The following PDZD2 variants were observed in gnomAD, a reference collection of about 807,000 sequenced individuals.
PDZD2 encodes PDZ domain containing 2.
A neutral mutation model predicts 220.7 loss-of-function variants in PDZD2; 90 were observed. The ratio of observed to expected loss-of-function variants is 0.41; its 90% CI spans 0.34 to 0.49. The LOEUF is 0.49. Ranked by LOEUF, PDZD2 falls within the 20% of genes least tolerant of loss-of-function variation. PDZD2 has a pLI of 0.28. For synonymous variants in PDZD2, 1,375 were observed against 1,450.5 expected, an observed-to-expected ratio of 0.95 and a Z score of 1.18; for missense variants, 3,174 against 3,608.5, an observed-to-expected ratio of 0.88 and a Z score of 3.08.
At chr5:31,779,842 G>T (rs554099000) in intron 1 of PDZD2, among the ~76,000 whole-genome samples, 2 of 152,022 alleles carry the variant, frequency 1.3e-5, no homozygotes, top group Non-Finnish European at 2.9e-5. Context: ...TCACGTGTTC[G>T]TTTTTATTAG....
At chr5:32,034,420 G>A (rs563210206) in intron 6 of PDZD2, among the ~76,000 whole-genome samples, 42 of 149,430 alleles carry the variant, frequency 2.8e-4, no homozygotes, top group Non-Finnish European at 5.3e-4. Flanking sequence ...GTGCAGTGGC[G>A]CAATCTCAGC....
At position 31,866,447 on chromosome 5, in the gene PDZD2, C is replaced by G. The variant is rs145386641; in HGVS notation, c.476+66723C>G. Among the ~76,000 whole-genome samples the G allele has an allele frequency of 5.4e-3, 827 of 152,198 alleles. 5 individuals are homozygous for G. The highest frequency in any genetic ancestry group is 0.019 in the African/African-American group (808 of 41,526). ...TGCTGTCGGCCCGGGCATCTGAGGG[C>G]AGAGAGAGGGTGGGTATGACCCCCT... On this transcript the variant is annotated intron_variant, in intron 2 of 24. Coordinates refer to ENST00000438447, the MANE Select transcript of PDZD2 (RefSeq NM_178140.4).
At chr5:31,662,829 A>T (rs754172716) in intron 1 of PDZD2, among the ~76,000 whole-genome samples, 1 of 152,134 alleles carries the variant, frequency 6.6e-6, no homozygotes, top group Non-Finnish European at 1.5e-5. Context: ...ACGGGGTTTC[A>T]CCGTGTTAGC....
intron 1 of PDZD2, among the ~76,000 whole-genome samples, chr5:31,693,399 A>G (rs452751): frequency 0.76 from 114,675 of 151,374 alleles, 44,431 homozygotes; most frequent in East Asian, 0.93. Flanking sequence ...GCACCACCAC[A>G]CCAGGCTAAT....
At chr5:31,751,621 A>C (rs1215518976) in intron 1 of PDZD2, among the ~76,000 whole-genome samples, 1 of 152,130 alleles carries the variant, frequency 6.6e-6, no homozygotes, top group Non-Finnish European at 1.5e-5. Context: ...CATGCCTCAT[A>C]ATGAGGTATA....
chr5:32,006,069 C>G (rs1282798520), intron 5 of PDZD2, among the ~76,000 whole-genome samples: 1 of 151,806 alleles, frequency 6.6e-6, no homozygotes, highest in Non-Finnish European at 1.5e-5. Context: ...ATCGCTTGAA[C>G]CCAGGAGGCA....
chr5:31,761,044 G>A (rs1202636335), intron 1 of PDZD2, among the ~76,000 whole-genome samples: 6 of 152,152 alleles, frequency 3.9e-5, no homozygotes, highest in South Asian at 2.1e-4. Flanking sequence ...TGTTCACTCC[G>A]TGTGGGGAGG....
chr5:31,864,844 T>C, intron 2 of PDZD2, among the ~76,000 whole-genome samples: 1 of 104,922 alleles, frequency 9.5e-6, no homozygotes, highest in South Asian at 4.1e-4. Context: ...TTTGTCTTTT[T>C]TTTTTTTTTT....
At chr5:31,770,296 T>C (rs1339244975) in intron 1 of PDZD2, among the ~76,000 whole-genome samples, 1 of 151,942 alleles carries the variant, frequency 6.6e-6, no homozygotes, top group African/African-American at 2.4e-5. Context: ...TTAAAGAAAA[T>C]CTCCCAGGGC....
intron 2 of PDZD2, among the ~76,000 whole-genome samples, chr5:31,868,711 A>T (rs1180843871): frequency 2.6e-5 from 4 of 152,118 alleles, no homozygotes; most frequent in Admixed American, 6.6e-5. Context: ...CTTTGGAGCC[A>T]ATTGTTAACA....
intron 2 of PDZD2, among the ~76,000 whole-genome samples, chr5:31,951,964 CTAT>C (rs2111618605): frequency 6.6e-6 from 1 of 152,274 alleles, no homozygotes; most frequent in Non-Finnish European, 1.5e-5. Context: ...AGATTTTTGT[CTAT>C]TTTGAATACA....
chr5:31,873,542 T>TTTAC (rs904954204), intron 2 of PDZD2, among the ~76,000 whole-genome samples: 12 of 142,800 alleles, frequency 8.4e-5, no homozygotes, highest in African/African-American at 2.7e-4. Context: ...TTTTTATTTA[T>TTTAC]TTATTTATTT....
chr5:32,089,804 T>G lies in PDZD2; in HGVS notation c.6356T>G (p.Leu2119Trp). 1 of 1,614,184 alleles carries G rather than the reference T, an allele frequency of 6.2e-7. No homozygotes were observed. ...PAESDRRGGC[L>W]AQGNCQEKSE... Reference sequence around the variant, plus strand: ...GAAAGCGACAGACGGGGAGGGTGCTTGGCCCAGGGCAACTGTCAGGAGAAG... The same window carrying G: ...GAAAGCGACAGACGGGGAGGGTGCTGGGCCCAGGGCAACTGTCAGGAGAAG... The change falls in exon 20 of 25, where the codon TTG becomes TGG. Residue 2119 changes from leucine to tryptophan, a missense_variant. By Grantham distance (61) the Leu-to-Trp change is moderately conservative (BLOSUM62 -2). Coordinates refer to ENST00000438447, the MANE Select transcript of PDZD2 (RefSeq NM_178140.4).
chr5:31,806,992 C>T (rs993849569), intron 2 of PDZD2, among the ~76,000 whole-genome samples: 2 of 146,266 alleles, frequency 1.4e-5, no homozygotes, highest in Non-Finnish European at 3.0e-5. Flanking sequence ...TGGAGTGCAA[C>T]GGCGCGATCT....
intron 1 of PDZD2, among the ~76,000 whole-genome samples, chr5:31,696,097 T>C (rs999665035): frequency 6.6e-6 from 1 of 152,082 alleles, no homozygotes; most frequent in Admixed American, 6.6e-5. Context: ...TATTACTCCT[T>C]AAGATTTCCT....
At chr5:31,715,034 A>G (rs1748356685) in intron 1 of PDZD2, among the ~76,000 whole-genome samples, 2 of 145,352 alleles carry the variant, frequency 1.4e-5, no homozygotes, top group South Asian at 2.2e-4. Flanking sequence ...ACTCCAGCCT[A>G]GGCAACAGAG....
intron 13 of PDZD2, 86 bp downstream of exon 13, chr5:32,059,442 T>C: frequency 3.2e-6 from 2 of 620,250 alleles, no homozygotes; most frequent in South Asian, 2.8e-5. Flanking sequence ...ATTACTTCCC[T>C]TTGAGGGATG....
At chr5:31,901,022 A>G (rs1561554968) in intron 2 of PDZD2, among the ~76,000 whole-genome samples, 1 of 152,172 alleles carries the variant, frequency 6.6e-6, no homozygotes, top group African/African-American at 2.4e-5. Flanking sequence ...GCCAGTTTAG[A>G]AAAGGGGAAG....
intron 6 of PDZD2, among the ~76,000 whole-genome samples, 158 bp from the exon 7 acceptor site, chr5:32,037,073 G>A (rs1755615289): frequency 6.6e-6 from 1 of 152,236 alleles, no homozygotes; most frequent in African/African-American, 2.4e-5. Context: ...TGCGAATGCA[G>A]CTTATCTGAA....
Sources: gnomAD v4.1 joint callset for allele counts (sites outside exome capture counted in the v4.1 genomes callset) on GRCh38, gnomAD v4.1.1 for gene constraint, MANE v1.5 for transcripts, NCBI Gene and HGNC (gene_info 2026-07-23, HGNC 2026-07-21) for gene names.